IRS1: variants seen among roughly 807,000 people sequenced by gnomAD.
IRS1 encodes the protein insulin receptor substrate 1.
A neutral mutation model predicts 65.6 loss-of-function variants in IRS1; 34 were observed. That is an observed-to-expected ratio of 0.52 (90% CI 0.39 to 0.69). The LOEUF is 0.69. Ranked by LOEUF, IRS1 falls within the 30% of genes least tolerant of loss-of-function variation. The probability of loss-of-function intolerance (pLI) is 0.00; values close to 1 mark genes in which losing one functional copy is unlikely to be tolerated. For synonymous variants in IRS1, 699 were observed against 683.5 expected, an observed-to-expected ratio of 1.02 and a Z score of -0.35; for missense variants, 1,641 against 1,720.2, an observed-to-expected ratio of 0.95 and a Z score of 0.81.
intron 1 of IRS1, among the ~76,000 whole-genome samples, chr2:226,740,299 T>C (rs2106157815): frequency 6.6e-6 from 1 of 152,340 alleles, no homozygotes; most frequent in South Asian, 2.1e-4. Flanking sequence ...TGTATATTCT[T>C]GTAAGATAAA....
At chr2:226,755,564 T>C (rs1261621526) in intron 1 of IRS1, among the ~76,000 whole-genome samples, 5 of 152,240 alleles carry the variant, frequency 3.3e-5, no homozygotes, top group African/African-American at 9.6e-5. Flanking sequence ...AGAATACAAC[T>C]GGTTTAACAA....
At chr2:226,775,443 C>T (rs571072082) in intron 1 of IRS1, among the ~76,000 whole-genome samples, 13 of 152,152 alleles carry the variant, frequency 8.5e-5, no homozygotes, top group African/African-American at 2.7e-4. Context: ...AACAAGGAGG[C>T]GAGAATGGTC....
rs1801276 is a variant in IRS1 at position 226,797,205 on chromosome 2, C to G, written c.1534G>C (p.Ala512Pro). ...CGATTATCCAGATCTGCAGCACTGG[C>G]TGCTTCATCCCCAGCCAAGGCTGGA... is the stretch of plus-strand genomic sequence containing the variant. ...TSPALAGDEAASAADLDNRFR... is the reference protein window; with the variant it reads ...TSPALAGDEAPSAADLDNRFR... The change falls in exon 1 of 2, where the codon GCC becomes CCC. Residue 512 changes from alanine (A) to proline (P), a missense_variant. Physicochemically the swap from Ala to Pro is conservative, Grantham distance 27. Around this residue, in one of 3 missense-constraint regions of IRS1, gnomAD observed 1,324 missense variants for 1,361.0 expected, o/e 0.97. Coordinates refer to ENST00000305123, the MANE Select transcript of IRS1 (RefSeq NM_005544.3). The surrounding 1 kb of genome is among the most constrained non-coding windows in gnomAD (Gnocchi z 8.1). The G allele has an allele frequency of 0.019, 30,552 of 1,613,794 alleles. 354 individuals carry two copies. The highest frequency in any genetic ancestry group is 0.023 in the Non-Finnish European group (26,771 of 1,180,002).
rs1462695969 is a variant in IRS1, at chr2:226,795,222, A to G, written c.3517T>C (p.Leu1173=). Residue 1173 remains leucine (L), a synonymous_variant, in exon 1 of 2, where the codon TTG becomes CTG. Transcript: ENST00000305123. ...TCTATGTAGTTAAGACCATTCTCCAAACCCCCAGCAGCCCCACACAGTTTG... is the reference window on the plus strand; with the variant it reads ...TCTATGTAGTTAAGACCATTCTCCAGACCCCCAGCAGCCCCACACAGTTTG... ...PAKLCGAAGG[L]ENGLNYIDLD... 6.2e-7 allele frequency: 1 copy of G among 1,613,942 alleles called. No homozygotes were observed.
Position 226,799,457 on chromosome 2 carries a change from G to T in IRS1, c.-719C>A. Reference sequence around the variant, plus strand: ...CCCATCTCGGCGGGTGGAGAAAGTGGCTTTTCCATGCGAAACGATACCGGG... The same window carrying T: ...CCCATCTCGGCGGGTGGAGAAAGTGTCTTTTCCATGCGAAACGATACCGGG... On this transcript the variant is annotated 5_prime_UTR_variant, in exon 1 of 2. Coordinates refer to ENST00000305123, the MANE Select transcript of IRS1 (RefSeq NM_005544.3). This position sits in a 1 kb window ranked among gnomAD's most constrained non-coding sequence, Gnocchi z 6.1. The T allele has an allele frequency of 8.4e-7, 1 of 1,190,948 alleles. No homozygotes were observed. The highest frequency in any genetic ancestry group is 1.6e-5 in the South Asian group (1 of 64,488). 73.8% of individuals were successfully genotyped at this position (1,190,948 alleles called of 1,614,324 possible).
chr2:226,755,505 T>A (rs913216132), intron 1 of IRS1, among the ~76,000 whole-genome samples: 1 of 152,248 alleles, frequency 6.6e-6, no homozygotes, highest in Non-Finnish European at 1.5e-5. Context: ...GTGTTAATTA[T>A]CTGTGTACAC....
chr2:226,770,011 GA>G (rs35168801), intron 1 of IRS1, among the ~76,000 whole-genome samples: 10 of 150,324 alleles, frequency 6.7e-5, no homozygotes, highest in African/African-American at 2.4e-4. Flanking sequence ...ATAGGAGGTT[GA>G]AAAAAAAAGA....
chr2:226,790,100 C>T (rs1377236229), intron 1 of IRS1, among the ~76,000 whole-genome samples: 5 of 152,120 alleles, frequency 3.3e-5, no homozygotes, highest in African/African-American at 4.8e-5. Flanking sequence ...CAGTCATTTT[C>T]TCCACAACAT....
At chr2:226,753,725 A>C (rs187823794) in intron 1 of IRS1, among the ~76,000 whole-genome samples, 1 of 152,332 alleles carries the variant, frequency 6.6e-6, no homozygotes, top group Admixed American at 6.5e-5. Flanking sequence ...AATCAAAGAT[A>C]ATGGACTCTG....
At chr2:226,782,526 C>G (rs1290760581) in intron 1 of IRS1, among the ~76,000 whole-genome samples, 1 of 152,180 alleles carries the variant, frequency 6.6e-6, no homozygotes, top group Non-Finnish European at 1.5e-5. Flanking sequence ...TCTCCACCTC[C>G]CCAGACAAAA....
Position 226,795,077 on chromosome 2 carries a change from CG to C in IRS1, c.3661del (p.Arg1221AlafsTer6). 7.6e-7 allele frequency: 1 copy of C among 1,313,982 alleles called. No individual in the cohort carries two copies. Among genetic ancestry groups the C allele is most frequent in the Non-Finnish European group, 1.0e-6 (1 of 1,001,814 alleles). The allele number at this position is 1,313,982 out of a possible 1,614,324, so 81.4% of individuals were successfully genotyped here. A position where few individuals can be genotyped will look rare whatever the true frequency, so the allele number is the denominator to read the frequency against. ...ATAGGCGCTTAAATCCTCACTTGAG[CG>C]GCGGGTGGAGCTGCTCTCACCGCTG... ...LGSGESSSTR[R>X]SSEDLSAYAS... On this transcript the variant is annotated frameshift_variant, in exon 1 of 2. Transcript: ENST00000305123. LOFTEE classifies it high-confidence loss of function.
chr2:226,750,559 G>A (rs182485885), intron 1 of IRS1, among the ~76,000 whole-genome samples: 24 of 152,224 alleles, frequency 1.6e-4, no homozygotes, highest in South Asian at 1.0e-3. Context: ...GACTACAAAC[G>A]TATTGTAAAG....
chr2:226,742,713 GAA>G (rs537549029), intron 1 of IRS1, among the ~76,000 whole-genome samples: 2 of 124,588 alleles, frequency 1.6e-5, no homozygotes, highest in South Asian at 3.1e-4. Context: ...CACGCATTAT[GAA>G]AAAAAAAAAA....
rs778245304 is a variant in IRS1, at chr2:226,779,421, A to G, written c.*21+15568T>C. On this transcript the variant is annotated intron_variant, in intron 1 of 1. Transcript: ENST00000305123. ...TATTTAGATACAACAAACAGTATCT[A>G]CCAAATGCCAGACTCATTCCACTGA... Among the ~76,000 whole-genome samples the G allele has an allele frequency of 1.6e-4, 25 of 152,236 alleles. 1 individual carries two copies. Among genetic ancestry groups the G allele is most frequent in the Non-Finnish European group, 3.4e-4 (23 of 68,046 alleles).
At chr2:226,738,679 A>T (rs964797022) in intron 1 of IRS1, among the ~76,000 whole-genome samples, 17 of 152,178 alleles carry the variant, frequency 1.1e-4, no homozygotes, top group Admixed American at 9.2e-4. Flanking sequence ...AACTCCCCAC[A>T]ACAAGCTCCA....
At chr2:226,750,036 G>A (rs1391366988) in intron 1 of IRS1, among the ~76,000 whole-genome samples, 2 of 152,016 alleles carry the variant, frequency 1.3e-5, no homozygotes, top group African/African-American at 4.8e-5. Flanking sequence ...GATCACCTGA[G>A]GTCAGGAGTT....
In IRS1 at chr2:226,735,837, GTGAACAGTTTTGTA is replaced by G. The variant is rs1938313910; in HGVS notation, c.*421_*434del. The G allele has an allele frequency of 6.6e-6, 1 of 152,548 alleles. No homozygotes were observed. Among genetic ancestry groups the G allele is most frequent in the South Asian group, 2.1e-4 (1 of 4,830 alleles). The allele number at this position is 152,548 out of a possible 1,614,324, so 9.4% of individuals were successfully genotyped here. A position where few individuals can be genotyped will look rare whatever the true frequency, so the allele number is the denominator to read the frequency against. ...ATATTTAATACTCTCTCCACCCAAC[GTGAACAGTTTTGTA>G]TGAAATAATTTACAATGATGCTTTG... On this transcript the variant is annotated 3_prime_UTR_variant, in exon 2 of 2. Transcript: ENST00000305123.
chr2:226,783,163 G>A (rs945682909), intron 1 of IRS1, among the ~76,000 whole-genome samples: 1 of 152,176 alleles, frequency 6.6e-6, no homozygotes, highest in African/African-American at 2.4e-5. Flanking sequence ...TTAGGGGTGA[G>A]CTTTCAGCCT....
chr2:226,776,464 G>T (rs1939276056), intron 1 of IRS1, among the ~76,000 whole-genome samples: 1 of 152,136 alleles, frequency 6.6e-6, no homozygotes, highest in African/African-American at 2.4e-5. Flanking sequence ...GCGGGAAAAG[G>T]CTAAATTTAT....
Sources: allele counts gnomAD v4.1 joint callset (sites outside exome capture counted in the v4.1 genomes callset), GRCh38; gene constraint gnomAD v4.1.1; regional missense constraint gnomAD v4.1.1; non-coding constraint Gnocchi (gnomAD v3.1); transcripts MANE v1.5; gene names NCBI Gene and HGNC (gene_info 2026-07-23, HGNC 2026-07-21).